The following SLC35F4 variants were observed in gnomAD, a reference collection of about 807,000 sequenced individuals.
SLC35F4 encodes the protein chromosome 14 open reading frame 36.
In SLC35F4, 24 loss-of-function variants were observed where a neutral mutation model predicts 44.2. The observed-to-expected ratio is 0.54, with a 90% CI of 0.39 to 0.76. SLC35F4 has a LOEUF of 0.76. Among genes scored for constraint, SLC35F4 ranks in the 30% least tolerant of loss-of-function variants. The pLI is 0.00. For missense variants in SLC35F4, 562 were observed against 586.1 expected (o/e 0.96, Z 0.42); for synonymous variants, 238 against 223.6 (o/e 1.06, Z -0.57).
chr14:57,670,026 C>A (rs1008621143), intron 1 of SLC35F4, among the ~76,000 whole-genome samples: 3 of 152,080 alleles, frequency 2.0e-5, no homozygotes, highest in African/African-American at 7.3e-5. Flanking sequence ...TTGGTCTATT[C>A]AGAGATTCAA....
At chr14:57,693,410 G>A (rs147836225) in intron 1 of SLC35F4, among the ~76,000 whole-genome samples, 2,694 of 152,008 alleles carry the variant, frequency 0.018, 47 homozygotes, top group South Asian at 0.053. Flanking sequence ...TGGGTTTACC[G>A]GAATGAGGGC....
intron 1 of SLC35F4, among the ~76,000 whole-genome samples, chr14:57,722,955 T>G (rs529569032): frequency 6.6e-6 from 1 of 152,298 alleles, no homozygotes; most frequent in South Asian, 2.1e-4. Flanking sequence ...TCTGACAATT[T>G]ATACTGTTCA....
chr14:57,670,636 G>A (rs2074484145), intron 1 of SLC35F4, among the ~76,000 whole-genome samples: 1 of 151,966 alleles, frequency 6.6e-6, no homozygotes. Context: ...ATGTAGTTGA[G>A]CGGTTTTGAG....
intron 1 of SLC35F4, among the ~76,000 whole-genome samples, chr14:57,750,527 T>C (rs534811564): frequency 7.9e-5 from 12 of 152,334 alleles, no homozygotes; most frequent in African/African-American, 2.4e-5. Flanking sequence ...TTTATCCACA[T>C]TGTTGCCAAC....
At position 57,564,221 on chromosome 14, in the gene SLC35F4, C is replaced by A. The variant is rs756587040; in HGVS notation, c.1372G>T (p.Glu458Ter). Residue 458 changes from glutamate (E) to a stop codon, truncating the protein, a stop_gained, in exon 8 of 8, where the codon GAG becomes TAG. Transcript: ENST00000556826. LOFTEE classifies it high-confidence loss of function. ...INSLKEKKSE[E>*]HVDDVTDPSI... ...GGATCAGTCACATCATCCACATGCT[C>A]CTCACTCTTCTTTTCCTTCAGGCTG... 4 of 1,613,516 alleles carry A rather than the reference C, an allele frequency of 2.5e-6. No homozygotes were observed. The highest frequency in any genetic ancestry group is 3.4e-6 in the Non-Finnish European group (4 of 1,179,788).
At chr14:57,835,754 C>T (rs1021886145) in intron 1 of SLC35F4, among the ~76,000 whole-genome samples, 2 of 152,212 alleles carry the variant, frequency 1.3e-5, no homozygotes, top group African/African-American at 4.8e-5. Context: ...GAACACCTCT[C>T]TCCTTCCAGC....
At chr14:57,916,066 T>A (rs1889323386) in intron 1 of SLC35F4, among the ~76,000 whole-genome samples, 1 of 152,156 alleles carries the variant, frequency 6.6e-6, no homozygotes, top group South Asian at 2.1e-4. Flanking sequence ...GAAAAGAAAT[T>A]TATTTCTCAC....
chr14:57,671,505 A>G (rs1566747720), intron 1 of SLC35F4, among the ~76,000 whole-genome samples: 1 of 152,032 alleles, frequency 6.6e-6, no homozygotes, highest in Non-Finnish European at 1.5e-5. Context: ...CACTGACTTG[A>G]AGGGAAGACC....
intron 4 of SLC35F4, among the ~76,000 whole-genome samples, chr14:57,572,790 CAGG>C (rs1168440056): frequency 6.6e-6 from 1 of 152,212 alleles, no homozygotes; most frequent in African/African-American, 2.4e-5. Flanking sequence ...ATATTCAAAA[CAGG>C]AGTCTACTCC....
intron 1 of SLC35F4, among the ~76,000 whole-genome samples, chr14:57,894,742 A>T (rs1179602322): frequency 6.6e-6 from 1 of 151,928 alleles, no homozygotes; most frequent in African/African-American, 2.4e-5. Context: ...AGTAACAAAT[A>T]AAACCAATCA....
At position 57,865,831 on chromosome 14, in the gene SLC35F4, G is replaced by C. The variant is rs997669573; in HGVS notation, c.-6C>G. ...GGGGCCGCCTTGACATCCATAGAGA[G>C]CGCGGGGCGACGGCCCCGAGTGCGG... On this transcript the variant is annotated 5_prime_UTR_variant, in exon 1 of 8. Transcript: ENST00000556826. 13 of 1,500,620 alleles carry C rather than the reference G, an allele frequency of 8.7e-6. No individual in the cohort carries two copies. Among genetic ancestry groups the C allele is most frequent in the African/African-American group, 4.3e-5 (3 of 69,302 alleles). 93.0% of individuals were successfully genotyped at this position (1,500,620 alleles called of 1,614,324 possible). A position where few individuals can be genotyped will look rare whatever the true frequency, so the allele number is the denominator to read the frequency against.
At chr14:57,570,022 C>T (rs370842792) in intron 5 of SLC35F4, 42 bp from the exon 6 acceptor site, 81 of 1,528,568 alleles carry the variant, frequency 5.3e-5, no homozygotes, top group Non-Finnish European at 6.9e-5. Flanking sequence ...AGAAACTTAG[C>T]CAGAGCAGAA....
intron 1 of SLC35F4, among the ~76,000 whole-genome samples, chr14:57,632,263 CT>C (rs1321105098): frequency 6.6e-6 from 1 of 151,972 alleles, no homozygotes; most frequent in East Asian, 1.9e-4. Flanking sequence ...TTTGCATTTT[CT>C]TTCTTATAGA....
At chr14:57,603,711 T>A (rs2070977385) in intron 1 of SLC35F4, among the ~76,000 whole-genome samples, 1 of 152,172 alleles carries the variant, frequency 6.6e-6, no homozygotes, top group African/African-American at 2.4e-5. Flanking sequence ...TTCCTGCACA[T>A]TTTTCAAGGC....
At chr14:57,978,873 C>T (rs1394991728) in intron 1 of SLC35F4, among the ~76,000 whole-genome samples, 1 of 152,260 alleles carries the variant, frequency 6.6e-6, no homozygotes, top group East Asian at 1.9e-4. Flanking sequence ...CTCCTTTTGC[C>T]TCTAAACCAA....
At chr14:57,752,832 T>C (rs1341347984) in intron 1 of SLC35F4, among the ~76,000 whole-genome samples, 1 of 152,176 alleles carries the variant, frequency 6.6e-6, no homozygotes, top group Admixed American at 6.5e-5. Context: ...TTTCCTATTG[T>C]GTTTAAGAAA....
intron 1 of SLC35F4, among the ~76,000 whole-genome samples, chr14:57,751,536 C>T (rs1195035069): frequency 6.6e-6 from 1 of 152,194 alleles, no homozygotes; most frequent in African/African-American, 2.4e-5. Context: ...CTGAATATCT[C>T]AGAAAAGGCA....
chr14:57,726,159 C>T (rs10150259), intron 1 of SLC35F4, among the ~76,000 whole-genome samples: 12,735 of 152,048 alleles, frequency 0.084, 1,332 homozygotes, highest in African/African-American at 0.25. Context: ...AGAGTATGCA[C>T]GGAATTCAGG....
At chr14:57,713,253 C>T (rs1468488549) in intron 1 of SLC35F4, among the ~76,000 whole-genome samples, 1 of 152,194 alleles carries the variant, frequency 6.6e-6, no homozygotes, top group Non-Finnish European at 1.5e-5. Flanking sequence ...CAGTCCTACA[C>T]AGTATGACAG....
Sources: allele counts gnomAD v4.1 joint callset (sites outside exome capture counted in the v4.1 genomes callset), GRCh38; gene constraint gnomAD v4.1.1; transcripts MANE v1.5; gene names NCBI Gene and HGNC (gene_info 2026-07-23, HGNC 2026-07-21).